The following SLC8A2 variants were observed in gnomAD, a reference collection of about 807,000 sequenced individuals.
SLC8A2 encodes sodium/calcium exchanger 2.
SLC8A2 carries 14 observed loss-of-function variants against 70.2 expected under a neutral mutation model. The ratio of observed to expected loss-of-function variants is 0.20; its 90% CI spans 0.13 to 0.31. SLC8A2 has a LOEUF of 0.31. Ranked by LOEUF, SLC8A2 falls within the 10% of genes least tolerant of loss-of-function variation. SLC8A2 has a pLI of 1.00. For missense variants in SLC8A2, 779 were observed against 1,320.1 expected, an observed-to-expected ratio of 0.59 and a Z score of 6.35; for synonymous variants, 575 against 594.3, an observed-to-expected ratio of 0.97 and a Z score of 0.47.
Position 47,466,216 on chromosome 19 carries a change from G to A in SLC8A2, c.188C>T (p.Pro63Leu), listed in dbSNP as rs372858973. The A allele has an allele frequency of 2.1e-5, 34 of 1,610,006 alleles. No individual in the cohort carries two copies. The highest frequency in any genetic ancestry group is 6.7e-5 in the African/African-American group (5 of 74,968). Residue 63 changes from proline to leucine, a missense_variant, in exon 2 of 10, where the codon CCG (proline) becomes CTG (leucine). Pro to Leu is a moderately conservative substitution (Grantham distance 98). This residue lies in a region of SLC8A2 where 155 missense variants were observed against 318.6 expected (regional missense o/e 0.49). Transcript: ENST00000236877. This position sits in a 1 kb window ranked among gnomAD's most constrained non-coding sequence, Gnocchi z 6.9. Reference sequence around the variant, plus strand: ...CCGTGCCGCCTTGTCACCCAGCGACGGGTCGTCGGGCTCCCACACGGGCAG... The same window carrying A: ...CCGTGCCGCCTTGTCACCCAGCGACAGGTCGTCGGGCTCCCACACGGGCAG... The part of the protein sequence containing the change: ...VLLPVWEPDD[P>L]SLGDKAARAV...
Position 47,430,499 on chromosome 19 carries a change from T to C in SLC8A2, c.2390-34A>G. On this transcript the variant is annotated intron_variant, in intron 9 of 9. Coordinates refer to ENST00000236877, the MANE Select transcript of SLC8A2 (RefSeq NM_015063.3). This position sits in a 1 kb window ranked among gnomAD's most constrained non-coding sequence, Gnocchi z 5.9. ...CAGAGACATACAGGTCGGAGGGGCTTTGCGCCGCCACCCACAGGGGCGGGC... is the reference window on the plus strand; with the variant it reads ...CAGAGACATACAGGTCGGAGGGGCTCTGCGCCGCCACCCACAGGGGCGGGC... The C allele has an allele frequency of 6.5e-7, 1 of 1,543,184 alleles. No homozygotes were observed. The highest frequency in any genetic ancestry group is 8.7e-7 in the Non-Finnish European group (1 of 1,147,668).
At chr19:47,453,732 C>T (rs1376987786) in intron 3 of SLC8A2, among the ~76,000 whole-genome samples, 14 of 152,132 alleles carry the variant, frequency 9.2e-5, no homozygotes. Context: ...GAAACCTTGT[C>T]TCTACAAAAC....
Position 47,466,308 on chromosome 19 carries a change from CG to C in SLC8A2, c.95del (p.Pro32ArgfsTer164). 3 of 1,490,908 alleles carry C rather than the reference CG, an allele frequency of 2.0e-6. No homozygotes were observed. Among genetic ancestry groups the C allele is most frequent in the Non-Finnish European group, 1.8e-6 (2 of 1,116,742 alleles). 92.4% of individuals were successfully genotyped at this position (1,490,908 alleles called of 1,614,324 possible). A position where few individuals can be genotyped will look rare whatever the true frequency, so the allele number is the denominator to read the frequency against. The stretch of plus-strand genomic sequence containing the variant: ...CTGTGCTGGTGTCGCTGTCATTGGC[CG>C]GGGGAGGCGGCAGGGAGGGGGTTGG... ...ATPTPSLPPP[P>X]ANDSDTSTGG... is the part of the protein sequence containing the mutation. On this transcript the variant is annotated frameshift_variant, in exon 2 of 10. Coordinates refer to ENST00000236877, the MANE Select transcript of SLC8A2 (RefSeq NM_015063.3). LOFTEE classifies it high-confidence loss of function. The surrounding 1 kb of genome is among the most constrained non-coding windows in gnomAD (Gnocchi z 6.9).
chr19:47,441,063 C>G (rs1599847377), intron 6 of SLC8A2, 106 bp downstream of exon 6: 1 of 1,074,238 alleles, frequency 9.3e-7, no homozygotes, highest in East Asian at 2.4e-5. Flanking sequence ...CACCTCCAAT[C>G]TGCCTCAAAC....
intron 4 of SLC8A2, among the ~76,000 whole-genome samples, chr19:47,443,929 T>C (rs1254981463): frequency 6.6e-6 from 1 of 152,112 alleles, no homozygotes; most frequent in Non-Finnish European, 1.5e-5. Context: ...AAAGTCTCGC[T>C]CTGTTGCCCA....
chr19:47,432,188 C>A lies in SLC8A2; in HGVS notation c.2368G>T (p.Ala790Ser). The A allele has an allele frequency of 6.2e-7, 1 of 1,611,742 alleles. No homozygotes were observed. The highest frequency in any genetic ancestry group is 8.5e-7 in the Non-Finnish European group (1 of 1,178,520). ...TTACCAGGGATGGAGGTGCCCAGGG[C>A]AACGAAGACAACAGCATTGACAGAG... ...KDSVNAVVFV[A>S]LGTSIPDTFA... The change falls in exon 9 of 10, where the codon GCC (alanine) becomes TCC (serine). Residue 790 changes from alanine to serine, a missense_variant. By Grantham distance (99) the Ala-to-Ser change is moderately conservative (BLOSUM62 1). Around this residue, in one of 6 missense-constraint regions of SLC8A2, gnomAD observed 108 missense variants for 269.6 expected, o/e 0.40. Transcript: ENST00000236877. This position sits in a 1 kb window ranked among gnomAD's most constrained non-coding sequence, Gnocchi z 6.2.
intron 4 of SLC8A2, among the ~76,000 whole-genome samples, chr19:47,441,732 G>C (rs996177847): frequency 6.6e-6 from 1 of 152,186 alleles, no homozygotes; most frequent in African/African-American, 2.4e-5. Flanking sequence ...GAGGAGGGAG[G>C]GTTGCTTGAG....
At chr19:47,461,103 T>C (rs527430526) in intron 2 of SLC8A2, among the ~76,000 whole-genome samples, 259 of 151,338 alleles carry the variant, frequency 1.7e-3, no homozygotes, top group Admixed American at 4.7e-3. Context: ...GGCAGGAGAA[T>C]CGCTTGAACC....
Position 47,447,776 on chromosome 19 carries a change from C to G in SLC8A2, c.1763+33G>C. On this transcript the variant is annotated intron_variant, in intron 4 of 9. Transcript: ENST00000236877. This position sits in a 1 kb window ranked among gnomAD's most constrained non-coding sequence, Gnocchi z 5.1. ...TCAGGCCTCGCCCATTCCGAAGCCC[C>G]GCCCCTCTCCGGGCCGCCTCGGGCG... The G allele has an allele frequency of 6.5e-7, 1 of 1,548,058 alleles. No individual in the cohort carries two copies. The highest frequency in any genetic ancestry group is 8.6e-7 in the Non-Finnish European group (1 of 1,158,982).
intron 1 of SLC8A2, among the ~76,000 whole-genome samples, chr19:47,471,064 AAG>A (rs1373142551): frequency 6.6e-6 from 1 of 151,028 alleles, no homozygotes; most frequent in Non-Finnish European, 1.5e-5. Context: ...GAGAAGAGGA[AAG>A]AGAGAGAGAA....
At position 47,434,593 on chromosome 19, in the gene SLC8A2, T is replaced by C. The variant is rs530548476; in HGVS notation, c.2111-2148A>G. 3.9e-5 allele frequency among the ~76,000 whole-genome samples: 6 copies of C among 152,316 alleles called. No individual in the cohort carries two copies. In the East Asian group the frequency reaches 1.2e-3, roughly 29 times the overall value. ...ATTACTGTTGTTTCGATTGTTATGA[T>C]TGAAGGCCTTTTTTGGTGCCTGGGG... is the stretch of plus-strand genomic sequence containing the variant. On this transcript the variant is annotated intron_variant, in intron 8 of 9. Coordinates refer to ENST00000236877, the MANE Select transcript of SLC8A2 (RefSeq NM_015063.3).
intron 1 of SLC8A2, among the ~76,000 whole-genome samples, chr19:47,467,456 C>G (rs1259561153): frequency 6.6e-6 from 1 of 152,112 alleles, no homozygotes; most frequent in African/African-American, 2.4e-5. Flanking sequence ...TGGAGGGTCT[C>G]ATTCATGTCC....
At chr19:47,436,056 C>A (rs1390177892) in intron 8 of SLC8A2, among the ~76,000 whole-genome samples, 1 of 152,186 alleles carries the variant, frequency 6.6e-6, no homozygotes, top group African/African-American at 2.4e-5. Context: ...TCCTCCCGCC[C>A]AACACCAGGC....
chr19:47,429,076 C>T lies in SLC8A2; in HGVS notation c.*1013G>A, dbSNP rs1254898945. ...GGCTTGTAGCATTGGTCCTCTGGGA[C>T]CCTCGGTCTCCTCTTCGAGGGTCCT... On this transcript the variant is annotated 3_prime_UTR_variant, in exon 10 of 10. Coordinates refer to ENST00000236877, the MANE Select transcript of SLC8A2 (RefSeq NM_015063.3). 1 of 141,006 alleles carries T rather than the reference C, an allele frequency of 7.1e-6. No homozygotes were observed. Among genetic ancestry groups the T allele is most frequent in the African/African-American group, 2.6e-5 (1 of 38,288 alleles). The allele number at this position is 141,006 out of a possible 1,614,324, so 8.7% of individuals were successfully genotyped here.
chr19:47,435,827 C>T (rs187030991), intron 8 of SLC8A2, among the ~76,000 whole-genome samples: 1 of 152,164 alleles, frequency 6.6e-6, no homozygotes, highest in East Asian at 1.9e-4. Flanking sequence ...GGATTACAGG[C>T]GTGAGCCACC....
At chr19:47,449,913 A>G (rs893221749) in intron 3 of SLC8A2, among the ~76,000 whole-genome samples, 2 of 152,078 alleles carry the variant, frequency 1.3e-5, no homozygotes, top group African/African-American at 4.8e-5. Context: ...CAGAGGAGGG[A>G]CACGAGCTGG....
intron 3 of SLC8A2, 57 bp downstream of exon 3, chr19:47,456,873 G>C: frequency 6.7e-7 from 1 of 1,494,180 alleles, no homozygotes; most frequent in Non-Finnish European, 8.9e-7. Flanking sequence ...GCCGCCGGAC[G>C]GCGGGACCCA....
chr19:47,466,119 C>T lies in SLC8A2; in HGVS notation c.285G>A (p.Ala95=), dbSNP rs1242842622. The change falls in exon 2 of 10, where the codon GCG becomes GCA. Residue 95 remains alanine (A), a synonymous_variant. Transcript: ENST00000236877. This position sits in a 1 kb window ranked among gnomAD's most constrained non-coding sequence, Gnocchi z 6.9. ...GVSIIADRFM[A]AIEVITSKEK... ...CTTTTGACGTGATGACCTCGATGGC[C>T]GCCATGAAACGGTCGGCGATGATGG... 4 of 1,614,038 alleles carry T rather than the reference C, an allele frequency of 2.5e-6. No homozygotes were observed. Among genetic ancestry groups the T allele is most frequent in the African/African-American group, 2.7e-5 (2 of 74,900 alleles).
rs1383993010 is a variant in SLC8A2 at position 47,432,015 on chromosome 19, C to T, written c.2389+152G>A. The T allele has an allele frequency of 1.5e-6, 1 of 659,738 alleles. No homozygotes were observed. The highest frequency in any genetic ancestry group is 2.4e-6 in the Non-Finnish European group (1 of 413,000). 40.9% of individuals were successfully genotyped at this position (659,738 alleles called of 1,614,324 possible). ...CATCTTGCACCTAGGGGACCCGCTG[C>T]CTGGCTTCTATTATGCCCCACCTCC... On this transcript the variant is annotated intron_variant, in intron 9 of 9. Transcript: ENST00000236877. The surrounding 1 kb of genome is among the most constrained non-coding windows in gnomAD (Gnocchi z 6.2).
Sources: gnomAD v4.1 joint callset for allele counts (sites outside exome capture counted in the v4.1 genomes callset) on GRCh38, gnomAD v4.1.1 for gene constraint, gnomAD v4.1.1 regional missense constraint, Gnocchi (gnomAD v3.1) non-coding constraint, MANE v1.5 for transcripts, NCBI Gene and HGNC (gene_info 2026-07-23, HGNC 2026-07-21) for gene names.